Variants in GNB5 observed in about 807,000 individuals in gnomAD.
GNB5 encodes the protein G protein subunit beta 5.
Under a neutral mutation model 55.3 loss-of-function variants are expected in GNB5, and 37 were observed. The observed-to-expected ratio is 0.67, with a 90% confidence interval of 0.51 to 0.88. The LOEUF (loss-of-function observed/expected upper bound fraction) is 0.88. GNB5 is among the 40% of genes least tolerant of loss of function. The probability of loss-of-function intolerance (pLI) is 0.00; values close to 1 mark genes in which losing one functional copy is unlikely to be tolerated. For synonymous variants in GNB5, 219 were observed against 198.5 expected (o/e 1.10, Z -0.87); for missense variants, 476 against 515.3 (o/e 0.92, Z 0.74).
intron 3 of GNB5, among the ~76,000 whole-genome samples, chr15:52,164,339 C>T (rs1320382287): frequency 8.4e-6 from 1 of 118,708 alleles, no homozygotes; most frequent in East Asian, 2.4e-4. Context: ...AAAAAAAATG[C>T]TGGGTGTGGT....
At chr15:52,131,244 T>C (rs1264833647) in intron 9 of GNB5, among the ~76,000 whole-genome samples, 4 of 152,238 alleles carry the variant, frequency 2.6e-5, no homozygotes, top group Non-Finnish European at 4.4e-5. Context: ...GTTGCATCTG[T>C]ACTGAACCTT....
chr15:52,142,213 A>T (rs968219916), intron 6 of GNB5, among the ~76,000 whole-genome samples: 1 of 152,188 alleles, frequency 6.6e-6, no homozygotes, highest in Non-Finnish European at 1.5e-5. Flanking sequence ...ACCACTAGAT[A>T]TCTCCAGGGT....
intron 5 of GNB5, 75 bp from the exon 6 acceptor site, chr15:52,147,610 G>A: frequency 1.4e-6 from 1 of 727,030 alleles, no homozygotes; most frequent in Non-Finnish European, 2.2e-6. Context: ...TTTTTGAGAT[G>A]GAGTCTCACT....
chr15:52,167,820 C>A (rs990937078), intron 3 of GNB5, among the ~76,000 whole-genome samples: 1 of 152,082 alleles, frequency 6.6e-6, no homozygotes, highest in African/African-American at 2.4e-5. Context: ...AAGTTGGATT[C>A]ATCCCCAGGA....
chr15:52,128,373 G>T lies in GNB5; in HGVS notation c.864-129C>A. On this transcript the variant is annotated intron_variant, in intron 9 of 12. Coordinates refer to ENST00000261837, the MANE Select transcript of GNB5 (RefSeq NM_016194.4). ...CAAGGAACATTTGCAGCAGAAGACGGAAGAGGAAGCTCCTATGTCAGGCCC... is the reference window on the plus strand; with the variant it reads ...CAAGGAACATTTGCAGCAGAAGACGTAAGAGGAAGCTCCTATGTCAGGCCC... 4.4e-6 allele frequency: 3 copies of T among 680,860 alleles called. No homozygotes were observed. The South Asian group carries it at 5.1e-5, about 12-fold the overall frequency. The allele number at this position is 680,860 out of a possible 1,614,324, so 42.2% of individuals were successfully genotyped here.
At chr15:52,185,316 C>T (rs2034829255) in intron 1 of GNB5, among the ~76,000 whole-genome samples, 1 of 152,244 alleles carries the variant, frequency 6.6e-6, no homozygotes, top group Admixed American at 6.5e-5. Context: ...TCCCGGCCCA[C>T]CACTGAGGCT....
chr15:52,142,564 T>G (rs142275402), intron 6 of GNB5, among the ~76,000 whole-genome samples: 2,069 of 152,048 alleles, frequency 0.014, 42 homozygotes, highest in African/African-American at 0.048. Flanking sequence ...CAGCTGTGTT[T>G]TTTTTTTTAA....
In GNB5 at chr15:52,117,102, A is replaced by ATATATATATTTTTTTTTT; in HGVS notation, c.*5654_*5655insAAAAAAAAAATATATATA. On this transcript the variant is annotated 3_prime_UTR_variant, in exon 13 of 13. Coordinates refer to ENST00000261837, the MANE Select transcript of GNB5 (RefSeq NM_016194.4). ...CCACGCCCAGCTAATATATATATAT[A>ATATATATATTTTTTTTTT]TTTTTTTTTAGTACAGACAGGGTTT... The ATATATATATTTTTTTTTT allele has an allele frequency of 1.6e-4, 14 of 87,098 alleles. 1 individual carries two copies. Among genetic ancestry groups the ATATATATATTTTTTTTTT allele is most frequent in the African/African-American group, 7.9e-4 (13 of 16,444 alleles). The allele number at this position is 87,098 out of a possible 1,614,324, so 5.4% of individuals were successfully genotyped here.
intron 9 of GNB5, among the ~76,000 whole-genome samples, chr15:52,132,565 G>T (rs2033603727): frequency 6.9e-6 from 1 of 144,356 alleles, no homozygotes; most frequent in Non-Finnish European, 1.5e-5. Context: ...TCGGCTCACT[G>T]TAGCCTCAAT....
chr15:52,179,229 T>C (rs7171499), intron 3 of GNB5, among the ~76,000 whole-genome samples: 137,746 of 152,230 alleles, frequency 0.9, 62,959 homozygotes, highest in Non-Finnish European at 0.96. Context: ...CCCTTCTCTC[T>C]CCGTCATCCA....
At chr15:52,123,956 G>C (rs912269503) in intron 12 of GNB5, among the ~76,000 whole-genome samples, 4 of 143,976 alleles carry the variant, frequency 2.8e-5, no homozygotes, top group African/African-American at 1.1e-4. Context: ...CCCCAAATTT[G>C]GCATATAATT....
rs2033148847 is a variant in GNB5, at chr15:52,116,819, C to A, written c.*5938G>T. The A allele has an allele frequency of 6.6e-6, 1 of 152,098 alleles. No individual in the cohort carries two copies. The allele number at this position is 152,098 out of a possible 1,614,324, so 9.4% of individuals were successfully genotyped here. A position where few individuals can be genotyped will look rare whatever the true frequency, so the allele number is the denominator to read the frequency against. On this transcript the variant is annotated 3_prime_UTR_variant, in exon 13 of 13. Transcript: ENST00000261837. The stretch of plus-strand genomic sequence containing the variant: ...TAGCAACTGCCTGTCCAACCTCGGA[C>A]TGGTGTGACCTTTGTTATTGATATT...
intron 2 of GNB5, among the ~76,000 whole-genome samples, chr15:52,183,042 C>T (rs930193331): frequency 6.6e-6 from 1 of 152,276 alleles, no homozygotes; most frequent in South Asian, 2.1e-4. Context: ...ACCTCAGCTA[C>T]TCAGGAGGCT....
intron 10 of GNB5, among the ~76,000 whole-genome samples, chr15:52,127,489 TTGTTA>T (rs1187947654): frequency 6.6e-6 from 1 of 152,144 alleles, no homozygotes; most frequent in Non-Finnish European, 1.5e-5. Context: ...TAATTATATT[TTGTTA>T]TAATTTTGTT....
At chr15:52,155,314 GC>G (rs909122925) in intron 3 of GNB5, among the ~76,000 whole-genome samples, 2 of 152,174 alleles carry the variant, frequency 1.3e-5, no homozygotes, top group African/African-American at 2.4e-5. Context: ...GCTTGACGGG[GC>G]CGTGGCCCAT....
intron 1 of GNB5, among the ~76,000 whole-genome samples, chr15:52,190,829 A>G (rs1470198720): frequency 1.3e-5 from 2 of 149,720 alleles, no homozygotes. Context: ...CATAAATGTC[A>G]TAGCAGCTAT....
At chr15:52,167,076 G>C (rs1363497355) in intron 3 of GNB5, among the ~76,000 whole-genome samples, 1 of 152,090 alleles carries the variant, frequency 6.6e-6, no homozygotes, top group Non-Finnish European at 1.5e-5. Flanking sequence ...AGAAAATCTA[G>C]AAGAAATAGA....
intron 3 of GNB5, among the ~76,000 whole-genome samples, chr15:52,165,587 T>C (rs1002111397): frequency 6.6e-6 from 1 of 152,200 alleles, no homozygotes; most frequent in African/African-American, 2.4e-5. Flanking sequence ...GAATTTTATA[T>C]GCGGCCAAGC....
rs948799535 is a variant in GNB5, at chr15:52,153,856, G to A, written c.375+84C>T. ...AGCAAAGTCACAAAGATCAGAAAAG[G>A]GCTTTTGGAAAGGGACAGCTCTCCT... On this transcript the variant is annotated intron_variant, in intron 4 of 12. Transcript: ENST00000261837. 1.0e-5 allele frequency: 12 copies of A among 1,185,360 alleles called. No individual in the cohort carries two copies. The African/African-American group carries it at 1.5e-4, about 15-fold the overall frequency. 73.4% of individuals were successfully genotyped at this position (1,185,360 alleles called of 1,614,324 possible). A position where few individuals can be genotyped will look rare whatever the true frequency, so the allele number is the denominator to read the frequency against.
Sources: gnomAD v4.1 joint callset for allele counts (sites outside exome capture counted in the v4.1 genomes callset) on GRCh38, gnomAD v4.1.1 for gene constraint, MANE v1.5 for transcripts, NCBI Gene and HGNC (gene_info 2026-07-23, HGNC 2026-07-21) for gene names.